KDM4C: variants seen among roughly 807,000 people sequenced by gnomAD.
The protein encoded by KDM4C is lysine-specific demethylase 4C.
Under a neutral mutation model 129.3 loss-of-function variants are expected in KDM4C, and 81 were observed. The ratio of observed to expected loss-of-function variants is 0.63; its 90% confidence interval spans 0.52 to 0.75. The LOEUF (loss-of-function observed/expected upper bound fraction) is 0.75. Ranked by LOEUF, KDM4C falls within the 30% of genes least tolerant of loss-of-function variation. The pLI, the probability that KDM4C is intolerant of heterozygous loss-of-function variation, is 0.00. For synonymous variants in KDM4C, 573 were observed against 456.1 expected (o/e 1.26, Z -3.26); for missense variants, 1,457 against 1,304.0 (o/e 1.12, Z -1.81).
intron 3 of KDM4C, among the ~76,000 whole-genome samples, chr9:6,809,035 G>C (rs1393343566): frequency 2.0e-5 from 3 of 152,084 alleles, no homozygotes; most frequent in African/African-American, 4.8e-5. Context: ...ATGAATTTAG[G>C]TATCTTCCTT....
At position 6,984,351 on chromosome 9, in the gene KDM4C, C is replaced by T. The variant is rs1282458478; in HGVS notation, c.1301C>T (p.Ser434Phe). Reference protein sequence around the residue: ...NTEASSEEESSASRMQVEQNL... With the variant: ...NTEASSEEESFASRMQVEQNL... ...GAAGCATCTTCAGAAGAAGAGTCAT[C>T]TGCTAGCAGGATGCAGGTGGAGCAG... Residue 434 changes from serine to phenylalanine, a missense_variant, in exon 10 of 22, where the codon TCT becomes TTT. By Grantham distance (155) the Ser-to-Phe change is radical. Coordinates refer to ENST00000381309, the MANE Select transcript of KDM4C (RefSeq NM_015061.6). The T allele has an allele frequency of 1.9e-6, 3 of 1,613,994 alleles. No individual in the cohort carries two copies. Among genetic ancestry groups the T allele is most frequent in the East Asian group, 4.5e-5 (2 of 44,882 alleles).
In KDM4C at chr9:7,174,584, C is replaced by G. The variant is rs760643162; in HGVS notation, c.3026C>G (p.Thr1009Arg). 10 of 1,614,026 alleles carry G rather than the reference C, an allele frequency of 6.2e-6. No homozygotes were observed. The highest frequency in any genetic ancestry group is 8.5e-6 in the Non-Finnish European group (10 of 1,179,990). ...GCCTCTGACATGCGATTTGAAGACA[C>G]GTTTTATGGAGCAGACATTATCCAA... is the stretch of plus-strand genomic sequence containing the variant. ...STASDMRFED[T>R]FYGADIIQGE... Residue 1009 changes from threonine (T) to arginine (R), a missense_variant, in exon 22 of 22, where the codon ACG (threonine) becomes AGG (arginine). Transcript: ENST00000381309.
At chr9:6,949,432 A>T (rs1472406744) in intron 8 of KDM4C, among the ~76,000 whole-genome samples, 1 of 152,078 alleles carries the variant, frequency 6.6e-6, no homozygotes, top group Admixed American at 6.5e-5. Context: ...CACTTCCCAG[A>T]CGGGGTGGCG....
At position 6,986,347 on chromosome 9, in the gene KDM4C, A is replaced by G; in HGVS notation, c.1358A>G (p.Asn453Ser). ...CAGTCTTCTGTTTTATCCTCAGGAA[A>G]CAGCTGCTTAAGTACATCTGTAACA... Reference protein sequence around the residue: ...NLSDHIKLSGNSCLSTSVTED... With the variant: ...NLSDHIKLSGSSCLSTSVTED... Residue 453 changes from asparagine (N) to serine (S), a missense_variant, in exon 11 of 22, where the codon AAC becomes AGC. Transcript: ENST00000381309. The G allele has an allele frequency of 1.9e-6, 3 of 1,604,384 alleles. No homozygotes were observed. Among genetic ancestry groups the G allele is most frequent in the Non-Finnish European group, 2.6e-6 (3 of 1,172,738 alleles).
Position 6,818,202 on chromosome 9 carries a change from T to C in KDM4C, c.435+3457T>C, listed in dbSNP as rs553095661. Among the ~76,000 whole-genome samples, 5 of 152,358 alleles carry C rather than the reference T, an allele frequency of 3.3e-5. No homozygotes were observed. The South Asian group carries it at 1.0e-3, about 32-fold the overall frequency. On this transcript the variant is annotated intron_variant, in intron 4 of 21. Coordinates refer to ENST00000381309, the MANE Select transcript of KDM4C (RefSeq NM_015061.6). ...AAGGTTTTTACAGTTTTTTGACTTT[T>C]GAAACATTTCCAATATTGCTTTCCA... is the stretch of plus-strand genomic sequence containing the variant.
chr9:6,800,500 C>T (rs1465448189), intron 2 of KDM4C, among the ~76,000 whole-genome samples: 2 of 151,850 alleles, frequency 1.3e-5, no homozygotes, highest in Non-Finnish European at 2.9e-5. Context: ...GATCATGCCA[C>T]TATATTCAAG....
chr9:7,102,309 C>CTTTTTTTTTTT lies in KDM4C; in HGVS notation c.2425-1362_2425-1352dup, dbSNP rs34614459. ...TGGCTCTTGCACCTCATGGTTTTCC[C>CTTTTTTTTTTT]TTTTTTTTTTTTTTTTTTTTTTTTG... On this transcript the variant is annotated intron_variant, in intron 17 of 21. Transcript: ENST00000381309. 4.4e-5 allele frequency among the ~76,000 whole-genome samples: 4 copies of CTTTTTTTTTTT among 89,986 alleles called. 1 individual carries two copies. The highest frequency in any genetic ancestry group is 6.2e-5 in the Non-Finnish European group (3 of 48,316). 59.0% of individuals were successfully genotyped at this position (89,986 alleles called of 152,430 possible).
intron 4 of KDM4C, chr9:6,835,335 C>G: frequency 1.0e-6 from 1 of 980,850 alleles, no homozygotes; most frequent in South Asian, 1.3e-5. Context: ...ACCTTTACGC[C>G]AACACATTGC....
At chr9:6,971,020 C>T (rs1429022168) in intron 8 of KDM4C, among the ~76,000 whole-genome samples, 1 of 152,112 alleles carries the variant, frequency 6.6e-6, no homozygotes, top group Non-Finnish European at 1.5e-5. Context: ...TATATTTATG[C>T]ACTGGTGATG....
At chr9:7,152,898 A>G (rs933489480) in intron 19 of KDM4C, among the ~76,000 whole-genome samples, 8 of 152,234 alleles carry the variant, frequency 5.3e-5, no homozygotes. Context: ...AGGATGTCCT[A>G]ATTCTTAAAG....
chr9:7,003,105 A>G (rs1204741671), intron 12 of KDM4C, among the ~76,000 whole-genome samples: 2 of 152,102 alleles, frequency 1.3e-5, no homozygotes, highest in Non-Finnish European at 2.9e-5. Context: ...ACCTCAAGTG[A>G]TCCATCTGCC....
chr9:7,063,629 A>G (rs907668123), intron 17 of KDM4C, among the ~76,000 whole-genome samples: 14 of 152,236 alleles, frequency 9.2e-5, no homozygotes, highest in Admixed American at 9.2e-4. Context: ...TGAAATTTAA[A>G]CAGACAATTG....
intron 19 of KDM4C, among the ~76,000 whole-genome samples, chr9:7,131,757 T>TGG (rs1564158083): frequency 6.6e-6 from 1 of 151,418 alleles, no homozygotes; most frequent in African/African-American, 2.4e-5. Context: ...CATCAGGACG[T>TGG]AAAAAAAAAA....
chr9:6,875,614 T>G (rs1224588168), intron 5 of KDM4C, among the ~76,000 whole-genome samples: 1 of 150,588 alleles, frequency 6.6e-6, no homozygotes, highest in Non-Finnish European at 1.5e-5. Context: ...TTGGGTGTTT[T>G]GAGAAGTCAG....
intron 17 of KDM4C, among the ~76,000 whole-genome samples, chr9:7,069,197 C>T (rs1479423170): frequency 6.6e-6 from 1 of 152,106 alleles, no homozygotes; most frequent in Non-Finnish European, 1.5e-5. Context: ...TGATGTATTA[C>T]ACTACTAATA....
intron 5 of KDM4C, among the ~76,000 whole-genome samples, chr9:6,872,126 G>C (rs1842895656): frequency 6.6e-6 from 1 of 152,166 alleles, no homozygotes; most frequent in Non-Finnish European, 1.5e-5. Context: ...ATAGGGAGTG[G>C]AATGTTCATA....
At chr9:6,919,251 C>CTTTCTTTCTTTCT (rs1820950575) in intron 8 of KDM4C, among the ~76,000 whole-genome samples, 24 of 55,960 alleles carry the variant, frequency 4.3e-4, no homozygotes, top group African/African-American at 1.8e-3. Context: ...TCTTTCTTTT[C>CTTTCTTTCTTTCT]TTTCTTTCTT....
intron 17 of KDM4C, among the ~76,000 whole-genome samples, chr9:7,083,711 ATGTGTGTGTGTGTG>A (rs142609948): frequency 2.1e-5 from 3 of 143,224 alleles, no homozygotes; most frequent in Admixed American, 6.9e-5. Context: ...CACATGACTG[ATGTGTGTGTGTGTG>A]TGTGTGTGTG....
intron 5 of KDM4C, among the ~76,000 whole-genome samples, chr9:6,873,359 A>G (rs542842565): frequency 2.0e-5 from 3 of 152,196 alleles, no homozygotes; most frequent in Non-Finnish European, 4.4e-5. Context: ...CCTAGATGGC[A>G]TCATCTTCTA....
Sources: allele counts gnomAD v4.1 joint callset (sites outside exome capture counted in the v4.1 genomes callset), GRCh38; gene constraint gnomAD v4.1.1; transcripts MANE v1.5; gene names NCBI Gene and HGNC (gene_info 2026-07-23, HGNC 2026-07-21).